The following FOXK1 variants were observed in gnomAD, a reference collection of about 807,000 sequenced individuals.
The protein encoded by FOXK1 is forkhead box K1.
Under a neutral mutation model 51.9 loss-of-function variants are expected in FOXK1, and 19 were observed. That is an observed-to-expected ratio of 0.37 (90% CI 0.26 to 0.54). FOXK1 has a LOEUF of 0.54. Among genes scored for constraint, FOXK1 ranks in the 20% least tolerant of loss-of-function variants. The probability of loss-of-function intolerance (pLI) is 0.87; values close to 1 mark genes in which losing one functional copy is unlikely to be tolerated. For synonymous variants in FOXK1, 537 were observed against 482.6 expected (o/e 1.11, Z -1.48); for missense variants, 870 against 1,032.7 (o/e 0.84, Z 2.16).
In FOXK1 at chr7:4,753,260, C is replaced by G. The variant is rs2115069888; in HGVS notation, c.747-1199C>G. Among the ~76,000 whole-genome samples the G allele has an allele frequency of 6.6e-6, 1 of 152,298 alleles. No homozygotes were observed. The highest frequency in any genetic ancestry group is 2.1e-4 in the South Asian group (1 of 4,826). ...CCTCTGCTCCATCCAAAAAATGTTT[C>G]TTGAGCCCCGCCTGCACCCAAGGGG... On this transcript the variant is annotated intron_variant, in intron 2 of 8. Transcript: ENST00000328914. This position sits in a 1 kb window ranked among gnomAD's most constrained non-coding sequence, Gnocchi z 4.9.
chr7:4,728,782 C>G (rs1312828464), intron 1 of FOXK1, among the ~76,000 whole-genome samples: 1 of 148,482 alleles, frequency 6.7e-6, no homozygotes, highest in Non-Finnish European at 1.5e-5. Context: ...TTTCTTAAGT[C>G]GGGCATGAGA....
intron 1 of FOXK1, among the ~76,000 whole-genome samples, chr7:4,710,350 G>A (rs945068750): frequency 2.0e-5 from 3 of 152,160 alleles, no homozygotes; most frequent in African/African-American, 7.2e-5. Flanking sequence ...GTTTGCAGGC[G>A]GATCACCTGA....
intron 2 of FOXK1, among the ~76,000 whole-genome samples, chr7:4,751,638 G>T (rs1018291060): frequency 6.6e-6 from 1 of 152,240 alleles, no homozygotes; most frequent in African/African-American, 2.4e-5. Context: ...GCCGAGGCCC[G>T]CCTGCGGAGG....
In FOXK1 at chr7:4,688,462, A is replaced by G. The variant is rs186929601; in HGVS notation, c.560+5594A>G. On this transcript the variant is annotated intron_variant, in intron 1 of 8. Coordinates refer to ENST00000328914, the MANE Select transcript of FOXK1 (RefSeq NM_001037165.2). Reference sequence around the variant, plus strand: ...GTCGCCCAGGCTGGAGTGCAGTGGCACTATCTTGGCTCACTGCAACCTCCC... The same window carrying G: ...GTCGCCCAGGCTGGAGTGCAGTGGCGCTATCTTGGCTCACTGCAACCTCCC... Among the ~76,000 whole-genome samples, 324 of 151,382 alleles carry G rather than the reference A, an allele frequency of 2.1e-3. 2 individuals carry two copies. The highest frequency in any genetic ancestry group is 3.2e-3 in the Non-Finnish European group (216 of 67,950).
intron 1 of FOXK1, among the ~76,000 whole-genome samples, chr7:4,689,779 C>T (rs1201719777): frequency 6.6e-6 from 1 of 152,148 alleles, no homozygotes; most frequent in East Asian, 1.9e-4. Flanking sequence ...AGTCGAATGC[C>T]CCACTACGTG....
At position 4,749,361 on chromosome 7, in the gene FOXK1, G is replaced by A. The variant is rs892503216; in HGVS notation, c.747-5098G>A. 4.6e-5 allele frequency among the ~76,000 whole-genome samples: 7 copies of A among 152,294 alleles called. No individual in the cohort carries two copies. Among genetic ancestry groups the A allele is most frequent in the Middle Eastern group, 3.4e-3 (1 of 294 alleles). ...CTCAAACCACAGATGTGCCTTGGCCGGCTGTTGTGTTTAACAGTGAGGTCC... is the reference window on the plus strand; with the variant it reads ...CTCAAACCACAGATGTGCCTTGGCCAGCTGTTGTGTTTAACAGTGAGGTCC... On this transcript the variant is annotated intron_variant, in intron 2 of 8. Coordinates refer to ENST00000328914, the MANE Select transcript of FOXK1 (RefSeq NM_001037165.2). The surrounding 1 kb of genome is among the most constrained non-coding windows in gnomAD (Gnocchi z 6.0).
At position 4,723,180 on chromosome 7, in the gene FOXK1, G is replaced by A. The variant is rs1016316032; in HGVS notation, c.561-17658G>A. On this transcript the variant is annotated intron_variant, in intron 1 of 8. Coordinates refer to ENST00000328914, the MANE Select transcript of FOXK1 (RefSeq NM_001037165.2). This position sits in a 1 kb window ranked among gnomAD's most constrained non-coding sequence, Gnocchi z 4.7. ...AGCACTGGGTCCAGGGCGCCTGCTC[G>A]CGGTCACCCATAGGGTGGGTGGACA... Among the ~76,000 whole-genome samples, 141 of 151,984 alleles carry A rather than the reference G, an allele frequency of 9.3e-4. No individual in the cohort carries two copies. Among genetic ancestry groups the A allele is most frequent in the African/African-American group, 3.2e-3 (133 of 41,468 alleles).
chr7:4,695,998 C>A (rs1052658959), intron 1 of FOXK1, among the ~76,000 whole-genome samples: 1 of 151,550 alleles, frequency 6.6e-6, no homozygotes, highest in Non-Finnish European at 1.5e-5. Flanking sequence ...CACCTGCAAT[C>A]CCAACTACTT....
At position 4,731,956 on chromosome 7, in the gene FOXK1, C is replaced by G. The variant is rs908582099; in HGVS notation, c.561-8882C>G. 2.0e-5 allele frequency among the ~76,000 whole-genome samples: 3 copies of G among 152,206 alleles called. No individual in the cohort carries two copies. The highest frequency in any genetic ancestry group is 7.2e-5 in the African/African-American group (3 of 41,452). The stretch of plus-strand genomic sequence containing the variant: ...ATGGAGACCTGAGGCCACACGGAGG[C>G]CGGGCTGGCCAGGGCGGGGCTCAGA... On this transcript the variant is annotated intron_variant, in intron 1 of 8. Coordinates refer to ENST00000328914, the MANE Select transcript of FOXK1 (RefSeq NM_001037165.2). The surrounding 1 kb of genome is among the most constrained non-coding windows in gnomAD (Gnocchi z 5.3).
intron 1 of FOXK1, among the ~76,000 whole-genome samples, chr7:4,701,849 C>A (rs915462274): frequency 2.0e-5 from 3 of 152,176 alleles, no homozygotes; most frequent in Non-Finnish European, 4.4e-5. Context: ...GCGGAGATCG[C>A]GCCACTGCAC....
chr7:4,753,593 C>G lies in FOXK1; in HGVS notation c.747-866C>G, dbSNP rs927514952. Among the ~76,000 whole-genome samples, 1 of 152,162 alleles carries G rather than the reference C, an allele frequency of 6.6e-6. No individual in the cohort carries two copies. The highest frequency in any genetic ancestry group is 2.4e-5 in the African/African-American group (1 of 41,432). On this transcript the variant is annotated intron_variant, in intron 2 of 8. Coordinates refer to ENST00000328914, the MANE Select transcript of FOXK1 (RefSeq NM_001037165.2). This position sits in a 1 kb window ranked among gnomAD's most constrained non-coding sequence, Gnocchi z 4.9. ...CCGTGAGCTCAGGACAGTGGGATCTCTTTCTCTCGGGAGGTTCTGCACCCA... is the reference window on the plus strand; with the variant it reads ...CCGTGAGCTCAGGACAGTGGGATCTGTTTCTCTCGGGAGGTTCTGCACCCA...
chr7:4,706,053 T>TACGTGTATATAC (rs1469959937), intron 1 of FOXK1, among the ~76,000 whole-genome samples: 4 of 124,928 alleles, frequency 3.2e-5, no homozygotes, highest in South Asian at 2.2e-4. Flanking sequence ...CGTGTATATA[T>TACGTGTATATAC]GTATATATAT....
intron 1 of FOXK1, among the ~76,000 whole-genome samples, chr7:4,725,590 G>A (rs1219820454): frequency 3.9e-5 from 6 of 152,252 alleles, no homozygotes; most frequent in Non-Finnish European, 7.3e-5. Context: ...CTGCGTGAAC[G>A]GACTCTCCGG....
At chr7:4,754,192 T>A (rs1450450547) in intron 2 of FOXK1, among the ~76,000 whole-genome samples, 3 of 152,184 alleles carry the variant, frequency 2.0e-5, no homozygotes, top group Non-Finnish European at 4.4e-5. Context: ...GGTGCTGCCC[T>A]GGGCCCTGCA....
chr7:4,684,229 C>G (rs554642708), intron 1 of FOXK1, among the ~76,000 whole-genome samples: 1 of 152,310 alleles, frequency 6.6e-6, no homozygotes, highest in South Asian at 2.1e-4. Flanking sequence ...AACTCATCAC[C>G]AGTGTTTATA....
rs1465290550 is a variant in FOXK1, at chr7:4,745,386, C to T, written c.746+4363C>T. ...CAGCTGCCCCTGCCCCCGCCCCCCG[C>T]GCCACCCTGCGTCCTTCCTTTCCGT... On this transcript the variant is annotated intron_variant, in intron 2 of 8. Transcript: ENST00000328914. The surrounding 1 kb of genome is among the most constrained non-coding windows in gnomAD (Gnocchi z 4.3). Among the ~76,000 whole-genome samples the T allele has an allele frequency of 4.6e-5, 7 of 152,022 alleles. No individual in the cohort carries two copies. The highest frequency in any genetic ancestry group is 1.3e-4 in the Admixed American group (2 of 15,264).
At chr7:4,712,969 T>C (rs1484605735) in intron 1 of FOXK1, among the ~76,000 whole-genome samples, 1 of 152,204 alleles carries the variant, frequency 6.6e-6, no homozygotes, top group Non-Finnish European at 1.5e-5. Context: ...GAGATTTCAT[T>C]TTTAAAATAC....
At position 4,722,298 on chromosome 7, in the gene FOXK1, CTGT is replaced by C. The variant is rs1318128124; in HGVS notation, c.561-18535_561-18533del. Among the ~76,000 whole-genome samples the C allele has an allele frequency of 1.3e-5, 2 of 152,238 alleles. No individual in the cohort carries two copies. ...GCGTCCCTGCCTCAGATTCCAAAAT[CTGT>C]TGTTCTAGAAACTCTCTAAGGTTTT... On this transcript the variant is annotated intron_variant, in intron 1 of 8. Coordinates refer to ENST00000328914, the MANE Select transcript of FOXK1 (RefSeq NM_001037165.2). The surrounding 1 kb of genome is among the most constrained non-coding windows in gnomAD (Gnocchi z 5.1).
chr7:4,714,668 A>G (rs948961474), intron 1 of FOXK1, among the ~76,000 whole-genome samples: 10 of 152,206 alleles, frequency 6.6e-5, no homozygotes, highest in African/African-American at 2.4e-4. Context: ...TGTTTTTTCA[A>G]GGCTCATCTT....
Sources: gnomAD v4.1 joint callset for allele counts (sites outside exome capture counted in the v4.1 genomes callset) on GRCh38, gnomAD v4.1.1 for gene constraint, Gnocchi (gnomAD v3.1) non-coding constraint, MANE v1.5 for transcripts, NCBI Gene and HGNC (gene_info 2026-07-23, HGNC 2026-07-21) for gene names.